Variants in SH3RF3 observed in about 807,000 individuals in gnomAD.
The protein encoded by SH3RF3 is SH3 domain containing ring finger 3.
SH3RF3 carries 29 observed loss-of-function variants against 66.3 expected under a neutral mutation model. That is an observed-to-expected ratio of 0.44 (90% CI 0.33 to 0.60). SH3RF3 has a LOEUF of 0.60. SH3RF3 is among the 20% of genes least tolerant of loss of function. The probability of loss-of-function intolerance (pLI) is 0.04; values close to 1 mark genes in which losing one functional copy is unlikely to be tolerated. For synonymous variants in SH3RF3, 583 were observed against 532.0 expected, an observed-to-expected ratio of 1.10 and a Z score of -1.32; for missense variants, 1,194 against 1,190.9, an observed-to-expected ratio of 1.00 and a Z score of -0.04.
At chr2:109,396,590 T>C (rs1676152883) in intron 3 of SH3RF3, among the ~76,000 whole-genome samples, 1 of 152,120 alleles carries the variant, frequency 6.6e-6, no homozygotes, top group South Asian at 2.1e-4. Context: ...CTCATCAAGG[T>C]GCTACCAGCT....
At chr2:109,373,537 A>G (rs182861358) in intron 3 of SH3RF3, among the ~76,000 whole-genome samples, 51 of 152,334 alleles carry the variant, frequency 3.3e-4, no homozygotes, top group Non-Finnish European at 1.8e-4. Flanking sequence ...GAAATTTTTG[A>G]AAGAAGCCAG....
At chr2:109,336,430 C>T (rs960484176) in intron 1 of SH3RF3, among the ~76,000 whole-genome samples, 2 of 152,214 alleles carry the variant, frequency 1.3e-5, no homozygotes, top group African/African-American at 2.4e-5. Context: ...GGAAGGGAAG[C>T]TGCCACCAAT....
At chr2:109,356,639 T>C (rs1395780760) in intron 2 of SH3RF3, among the ~76,000 whole-genome samples, 2 of 152,108 alleles carry the variant, frequency 1.3e-5, no homozygotes, top group Non-Finnish European at 2.9e-5. Context: ...CTTGAATATA[T>C]TGGTGACGTG....
chr2:109,485,151 G>T (rs772092879), intron 8 of SH3RF3, among the ~76,000 whole-genome samples: 2 of 152,208 alleles, frequency 1.3e-5, no homozygotes, highest in Non-Finnish European at 2.9e-5. Context: ...CTGACCCAGC[G>T]TTTGGTGTGT....
chr2:109,249,195 G>A (rs41338747), intron 1 of SH3RF3, among the ~76,000 whole-genome samples: 2 of 152,144 alleles, frequency 1.3e-5, no homozygotes, highest in Non-Finnish European at 1.5e-5. Flanking sequence ...AACTACACTC[G>A]TTAACTTCAG....
At position 109,167,199 on chromosome 2, in the gene SH3RF3, T is replaced by G. The variant is rs918595833; in HGVS notation, c.573+37086T>G. On this transcript the variant is annotated intron_variant, in intron 1 of 9. Transcript: ENST00000309415. ...TTTTTCCAGAACCAGGATAGCCATA[T>G]TTTTAAAAAGGATGATGGCGGAGAA... Among the ~76,000 whole-genome samples, 16 of 152,248 alleles carry G rather than the reference T, an allele frequency of 1.1e-4. 1 individual carries two copies. Among genetic ancestry groups the G allele is most frequent in the Admixed American group, 9.8e-4 (15 of 15,282 alleles).
intron 6 of SH3RF3, among the ~76,000 whole-genome samples, chr2:109,436,432 T>C (rs113554228): frequency 0.016 from 2,423 of 152,306 alleles, 53 homozygotes; most frequent in African/African-American, 0.054. Context: ...GTGCTGTGTG[T>C]GCCCTTTCCC....
chr2:109,461,320 C>G (rs1678203264), intron 8 of SH3RF3, among the ~76,000 whole-genome samples: 1 of 152,250 alleles, frequency 6.6e-6, no homozygotes, highest in South Asian at 2.1e-4. Context: ...CAAGAACTAT[C>G]TCTCAGAAAG....
At chr2:109,465,453 ATG>A (rs1678315790) in intron 8 of SH3RF3, among the ~76,000 whole-genome samples, 1 of 152,216 alleles carries the variant, frequency 6.6e-6, no homozygotes, top group Non-Finnish European at 1.5e-5. Context: ...CCAGCAATGA[ATG>A]AGAGTTCTCA....
intron 2 of SH3RF3, among the ~76,000 whole-genome samples, chr2:109,370,753 C>T (rs75231362): frequency 0.13 from 19,721 of 152,180 alleles, 1,431 homozygotes; most frequent in Middle Eastern, 0.24. Flanking sequence ...CCCGAAAGCC[C>T]GCCTTTCCTC....
At chr2:109,408,952 G>A (rs1208662170) in intron 4 of SH3RF3, among the ~76,000 whole-genome samples, 2 of 152,198 alleles carry the variant, frequency 1.3e-5, no homozygotes, top group Admixed American at 6.5e-5. Flanking sequence ...GGCTCTTCCT[G>A]ATAGAAGAAA....
chr2:109,262,832 T>C (rs1459331067), intron 1 of SH3RF3, among the ~76,000 whole-genome samples: 3 of 152,148 alleles, frequency 2.0e-5, no homozygotes, highest in Non-Finnish European at 2.9e-5. Flanking sequence ...AGACTTTCTT[T>C]TTTCTTTTTT....
chr2:109,455,737 A>G (rs1488950661), intron 8 of SH3RF3, among the ~76,000 whole-genome samples: 15 of 152,172 alleles, frequency 9.9e-5, no homozygotes, highest in Non-Finnish European at 2.1e-4. Context: ...CGTCCATCCC[A>G]GTTCTGTCGA....
chr2:109,502,578 A>G lies in SH3RF3; in HGVS notation c.*907A>G, dbSNP rs1573302872. 6.6e-6 allele frequency: 1 copy of G among 152,056 alleles called. No individual in the cohort carries two copies. Among genetic ancestry groups the G allele is most frequent in the Admixed American group, 6.5e-5 (1 of 15,268 alleles). 9.4% of individuals were successfully genotyped at this position (152,056 alleles called of 1,614,324 possible). The stretch of plus-strand genomic sequence containing the variant: ...AGTACTCTGGGGGCTGGCGGGGTGG[A>G]TCCATTGAGGGGGTCGGAGGGAGCT... On this transcript the variant is annotated 3_prime_UTR_variant, in exon 10 of 10. Transcript: ENST00000309415.
intron 5 of SH3RF3, among the ~76,000 whole-genome samples, chr2:109,421,876 T>C (rs1573238450): frequency 6.6e-6 from 1 of 152,164 alleles, no homozygotes; most frequent in African/African-American, 2.4e-5. Context: ...TTATACTGAG[T>C]AGCAGTCACA....
At chr2:109,340,901 A>C (rs996490541) in intron 1 of SH3RF3, among the ~76,000 whole-genome samples, 1 of 152,042 alleles carries the variant, frequency 6.6e-6, no homozygotes, top group Non-Finnish European at 1.5e-5. Flanking sequence ...AAAGTAAAAA[A>C]AGGAAGAAAA....
At chr2:109,471,993 G>A (rs994270957) in intron 8 of SH3RF3, among the ~76,000 whole-genome samples, 2 of 152,212 alleles carry the variant, frequency 1.3e-5, no homozygotes, top group African/African-American at 4.8e-5. Flanking sequence ...TCAGGGAGAA[G>A]CAGAGTCCTG....
At chr2:109,365,331 T>A (rs2105649781) in intron 2 of SH3RF3, among the ~76,000 whole-genome samples, 1 of 152,296 alleles carries the variant, frequency 6.6e-6, no homozygotes, top group East Asian at 1.9e-4. Context: ...ACACTGAACC[T>A]CCAGCACACA....
At chr2:109,249,532 T>TTTTTCTTTCTTTCC (rs1680019545) in intron 1 of SH3RF3, among the ~76,000 whole-genome samples, 3 of 96,450 alleles carry the variant, frequency 3.1e-5, no homozygotes, top group African/African-American at 9.2e-5. Context: ...TCTTTCTTTC[T>TTTTTCTTTCTTTCC]TTCCTTCCTT....
Sources: gnomAD v4.1 joint callset for allele counts (sites outside exome capture counted in the v4.1 genomes callset) on GRCh38, gnomAD v4.1.1 for gene constraint, MANE v1.5 for transcripts, NCBI Gene and HGNC (gene_info 2026-07-23, HGNC 2026-07-21) for gene names.